Variants in HLA-DMB observed in about 807,000 individuals in gnomAD.
HLA-DMB encodes major histocompatibility complex, class II, DM beta, also known as HLA class II histocompatibility antigen, DM beta chain.
A neutral mutation model predicts 29.3 loss-of-function variants in HLA-DMB; 18 were observed. The ratio of observed to expected loss-of-function variants is 0.62; its 90% CI spans 0.43 to 0.91. The LOEUF (loss-of-function observed/expected upper bound fraction) is 0.91, where lower values mean the gene tolerates loss of function less well. Ranked by LOEUF, HLA-DMB falls within the 40% of genes least tolerant of loss-of-function variation. The probability of loss-of-function intolerance (pLI) is 0.00; values close to 1 mark genes in which losing one functional copy is unlikely to be tolerated. For missense variants in HLA-DMB, 258 were observed against 320.9 expected, an observed-to-expected ratio of 0.80 and a Z score of 1.50; for synonymous variants, 143 against 128.7, an observed-to-expected ratio of 1.11 and a Z score of -0.75.
chr6:32,935,420 A>G, intron 4 of HLA-DMB, 43 bp from the exon 5 acceptor site: 1 of 1,558,814 alleles, frequency 6.4e-7, no homozygotes, highest in Non-Finnish European at 8.8e-7. Context: ...TTTGTGGATG[A>G]AAATATCTAG....
At position 32,935,387 on chromosome 6, in the gene HLA-DMB, G is replaced by A. The variant is rs1250033125; in HGVS notation, c.740-10C>T. 5 of 1,603,990 alleles carry A rather than the reference G, an allele frequency of 3.1e-6. No individual in the cohort carries two copies. Among genetic ancestry groups the A allele is most frequent in the Non-Finnish European group, 4.3e-6 (5 of 1,171,886 alleles). On this transcript the variant is annotated splice_polypyrimidine_tract_variant and intron_variant, in intron 4 of 5. Transcript: ENST00000418107. Reference sequence around the variant, plus strand: ...GGAAGAGGAGTGTAACCTAAGAGAGGAAGATACTTGATTATACCAGTCTTT... The same window carrying A: ...GGAAGAGGAGTGTAACCTAAGAGAGAAAGATACTTGATTATACCAGTCTTT...
intron 2 of HLA-DMB, chr6:32,938,411 G>A: frequency 5.2e-6 from 2 of 383,332 alleles, no homozygotes; most frequent in Non-Finnish European, 9.2e-6. Context: ...AACATCTTGG[G>A]TATGCATCCT....
intron 3 of HLA-DMB, chr6:32,936,128 A>G (rs2127467530): frequency 6.2e-6 from 1 of 162,566 alleles, no homozygotes; most frequent in South Asian, 1.7e-4. Flanking sequence ...TACCTCCTAC[A>G]TCTAGATCTC....
In HLA-DMB at chr6:32,940,873, C is replaced by T; in HGVS notation, c.-66G>A. 2 of 1,295,074 alleles carry T rather than the reference C, an allele frequency of 1.5e-6. No homozygotes were observed. The highest frequency in any genetic ancestry group is 2.2e-6 in the Non-Finnish European group (2 of 917,684). 80.2% of individuals were successfully genotyped at this position (1,295,074 alleles called of 1,614,324 possible). A position where few individuals can be genotyped will look rare whatever the true frequency, so the allele number is the denominator to read the frequency against. On this transcript the variant is annotated 5_prime_UTR_variant, in exon 1 of 6. Coordinates refer to ENST00000418107, the MANE Select transcript of HLA-DMB (RefSeq NM_002118.5). Reference sequence around the variant, plus strand: ...CCAGCTCTTCCAGGGTCCGTGGGTCCTCGCCTGTCCCAGAAGCCCCAGCCT... The same window carrying T: ...CCAGCTCTTCCAGGGTCCGTGGGTCTTCGCCTGTCCCAGAAGCCCCAGCCT...
chr6:32,939,545 C>T (rs1776224105), intron 1 of HLA-DMB, among the ~76,000 whole-genome samples: 1 of 152,146 alleles, frequency 6.6e-6, no homozygotes, highest in Admixed American at 6.5e-5. Context: ...AAATTATGAT[C>T]TAGTGTTCTA....
At position 32,934,832 on chromosome 6, in the gene HLA-DMB, T is replaced by G. The variant is rs12206426; in HGVS notation, c.*139A>C. On this transcript the variant is annotated 3_prime_UTR_variant, in exon 6 of 6. Coordinates refer to ENST00000418107, the MANE Select transcript of HLA-DMB (RefSeq NM_002118.5). ...TTGCTAAGTTTTACATAGGGGAGAC[T>G]GGGAAATTCAAAGAATTGGATGGAG... 12,994 of 908,252 alleles carry G rather than the reference T, an allele frequency of 0.014. 140 individuals are homozygous for G. Among genetic ancestry groups the G allele is most frequent in the Middle Eastern group, 0.027 (124 of 4,526 alleles). 56.3% of individuals were successfully genotyped at this position (908,252 alleles called of 1,614,324 possible).
Position 32,940,748 on chromosome 6 carries a change from C to T in HLA-DMB, c.55+5G>A. Reference sequence around the variant, plus strand: ...AGGGAGAGTCCCCAGAAGAAGTGTCCTTACCTGCTCCTGTGCAGCCCAGGC... The same window carrying T: ...AGGGAGAGTCCCCAGAAGAAGTGTCTTTACCTGCTCCTGTGCAGCCCAGGC... On this transcript the variant is annotated splice_donor_5th_base_variant and intron_variant, in intron 1 of 5. Transcript: ENST00000418107. The T allele has an allele frequency of 6.2e-7, 1 of 1,604,006 alleles. No homozygotes were observed.
chr6:32,935,111 A>G, intron 5 of HLA-DMB, 124 bp from the exon 6 acceptor site: 1 of 1,105,160 alleles, frequency 9.0e-7, no homozygotes, highest in Non-Finnish European at 1.4e-6. Context: ...AACAACTAAT[A>G]CAAAGGAAGC....
Position 32,934,767 on chromosome 6 carries a change from AT to A in HLA-DMB, c.*203del. The stretch of plus-strand genomic sequence containing the variant: ...CCCAGAAATATAGCCTTGGACAATA[AT>A]TTGGTTACAGCATAGTCCCAGGAAT... On this transcript the variant is annotated 3_prime_UTR_variant, in exon 6 of 6. Transcript: ENST00000418107. 3 of 609,404 alleles carry A rather than the reference AT, an allele frequency of 4.9e-6. No homozygotes were observed. Among genetic ancestry groups the A allele is most frequent in the Non-Finnish European group, 8.7e-6 (3 of 343,864 alleles). 37.7% of individuals were successfully genotyped at this position (609,404 alleles called of 1,614,324 possible).
chr6:32,940,869 G>A lies in HLA-DMB; in HGVS notation c.-62C>T. On this transcript the variant is annotated 5_prime_UTR_variant, in exon 1 of 6. Coordinates refer to ENST00000418107, the MANE Select transcript of HLA-DMB (RefSeq NM_002118.5). ...TGGACCAGCTCTTCCAGGGTCCGTG[G>A]GTCCTCGCCTGTCCCAGAAGCCCCA... The A allele has an allele frequency of 7.4e-7, 1 of 1,360,470 alleles. No homozygotes were observed. Among genetic ancestry groups the A allele is most frequent in the Non-Finnish European group, 1.0e-6 (1 of 976,306 alleles). 84.3% of individuals were successfully genotyped at this position (1,360,470 alleles called of 1,614,324 possible).
intron 3 of HLA-DMB, 106 bp from the exon 4 acceptor site, chr6:32,935,758 G>T (rs1223095968): frequency 2.7e-6 from 2 of 731,006 alleles, no homozygotes; most frequent in African/African-American, 1.8e-5. Context: ...CTTTATCCCA[G>T]CTCCAAGGGT....
intron 2 of HLA-DMB, 27 bp downstream of exon 2, chr6:32,938,657 A>G (rs1458240388): frequency 2.8e-5 from 40 of 1,439,990 alleles, no homozygotes; most frequent in Non-Finnish European, 3.7e-5. Context: ...ACTTCCTGGT[A>G]GCCCCTCTGC....
chr6:32,940,100 T>C (rs1776265968), intron 1 of HLA-DMB, among the ~76,000 whole-genome samples: 1 of 149,246 alleles, frequency 6.7e-6, no homozygotes, highest in South Asian at 2.1e-4. Context: ...TGTGAGCATA[T>C]AGAAGAAAAA....
rs190433887 is a variant in HLA-DMB at position 32,935,525 on chromosome 6, G to A, written c.739+11C>T. 1.3e-4 allele frequency: 207 copies of A among 1,598,998 alleles called. No individual in the cohort carries two copies. In the African/African-American group the frequency reaches 2.1e-3, roughly 16 times the overall value. Reference sequence around the variant, plus strand: ...CCAAGAGTGGGGATGGGAGTTCAGCGAGTCACTCACTAGAGTGGCCAGCTC... The same window carrying A: ...CCAAGAGTGGGGATGGGAGTTCAGCAAGTCACTCACTAGAGTGGCCAGCTC... On this transcript the variant is annotated intron_variant, in intron 4 of 5. Coordinates refer to ENST00000418107, the MANE Select transcript of HLA-DMB (RefSeq NM_002118.5).
At chr6:32,938,553 A>T in intron 2 of HLA-DMB, 131 bp downstream of exon 2, 2 of 931,844 alleles carry the variant, frequency 2.1e-6, no homozygotes, top group Non-Finnish European at 3.0e-6. Context: ...CCGTCTTTCT[A>T]CATTTCAGAT....
In HLA-DMB at chr6:32,937,244, G is replaced by A; in HGVS notation, c.550C>T (p.Pro184Ser). 6.2e-7 allele frequency: 1 copy of A among 1,614,064 alleles called. No homozygotes were observed. Among genetic ancestry groups the A allele is most frequent in the Non-Finnish European group, 8.5e-7 (1 of 1,179,964 alleles). ...CAGGTGTAAGTGTCCCCGTAAGAGGGGGTTAAGGCTAAATGGGAGAGGGTC... is the reference window on the plus strand; with the variant it reads ...CAGGTGTAAGTGTCCCCGTAAGAGGAGGTTAAGGCTAAATGGGAGAGGGTC... ...YQTLSHLALTPSYGDTYTCVV... is the reference protein window; with the variant it reads ...YQTLSHLALTSSYGDTYTCVV... The change falls in exon 3 of 6, where the codon CCC becomes TCC. Residue 184 changes from proline (P) to serine (S), a missense_variant. By Grantham distance (74) the Pro-to-Ser change is moderately conservative. Transcript: ENST00000418107. This position sits in a 1 kb window ranked among gnomAD's most constrained non-coding sequence, Gnocchi z 4.1.
At position 32,937,627 on chromosome 6, in the gene HLA-DMB, T is replaced by C. The variant is rs1028799038; in HGVS notation, c.338-171A>G. The C allele has an allele frequency of 1.7e-6, 1 of 598,422 alleles. No individual in the cohort carries two copies. The highest frequency in any genetic ancestry group is 1.9e-5 in the African/African-American group (1 of 53,870). 37.1% of individuals were successfully genotyped at this position (598,422 alleles called of 1,614,324 possible). A position where few individuals can be genotyped will look rare whatever the true frequency, so the allele number is the denominator to read the frequency against. On this transcript the variant is annotated intron_variant, in intron 2 of 5. Coordinates refer to ENST00000418107, the MANE Select transcript of HLA-DMB (RefSeq NM_002118.5). The surrounding 1 kb of genome is among the most constrained non-coding windows in gnomAD (Gnocchi z 4.1). The stretch of plus-strand genomic sequence containing the variant: ...GGAACCGTTAGAATGTATTCCTGCA[T>C]TACTCTTTCTTCTCTCCCATTCCTT...
At chr6:32,939,259 G>C (rs915688104) in intron 1 of HLA-DMB, among the ~76,000 whole-genome samples, 1 of 152,162 alleles carries the variant, frequency 6.6e-6, no homozygotes, top group Non-Finnish European at 1.5e-5. Context: ...TAGAAGTCTG[G>C]AACTTTTAGT....
In HLA-DMB at chr6:32,937,540, C is replaced by G; in HGVS notation, c.338-84G>C. 7.1e-7 allele frequency: 1 copy of G among 1,414,416 alleles called. No individual in the cohort carries two copies. Among genetic ancestry groups the G allele is most frequent in the Non-Finnish European group, 9.7e-7 (1 of 1,029,532 alleles). The allele number at this position is 1,414,416 out of a possible 1,614,324, so 87.6% of individuals were successfully genotyped here. On this transcript the variant is annotated intron_variant, in intron 2 of 5. Transcript: ENST00000418107. The surrounding 1 kb of genome is among the most constrained non-coding windows in gnomAD (Gnocchi z 4.1). ...ACCTGGTTTCTTCCCTATCGCAACT[C>G]TTCGTAGATTTTGCAACCCACTTTC... is the stretch of plus-strand genomic sequence containing the variant.
Sources: allele counts gnomAD v4.1 joint callset (sites outside exome capture counted in the v4.1 genomes callset), GRCh38; gene constraint gnomAD v4.1.1; non-coding constraint Gnocchi (gnomAD v3.1); transcripts MANE v1.5; gene names NCBI Gene and HGNC (gene_info 2026-07-23, HGNC 2026-07-21).